TNFRSF19: variants seen among roughly 807,000 people sequenced by gnomAD.
The protein encoded by TNFRSF19 is tumor necrosis factor receptor superfamily member 19.
In TNFRSF19, 27 loss-of-function variants were observed where a neutral mutation model predicts 46.4. The observed-to-expected ratio is 0.58, with a 90% CI of 0.43 to 0.80. The LOEUF (loss-of-function observed/expected upper bound fraction) is 0.80, where lower values mean the gene tolerates loss of function less well. Ranked by LOEUF, TNFRSF19 falls within the 30% of genes least tolerant of loss-of-function variation. The pLI is 0.00. For synonymous variants in TNFRSF19, 204 were observed against 205.0 expected (o/e 1.00, Z 0.04); for missense variants, 511 against 530.8 (o/e 0.96, Z 0.37).
intron 7 of TNFRSF19, among the ~76,000 whole-genome samples, chr13:23,660,867 T>C (rs1304811098): frequency 6.6e-6 from 1 of 152,166 alleles, no homozygotes; most frequent in African/African-American, 2.4e-5. Context: ...AATATGTCTA[T>C]TATAAAAATA....
In TNFRSF19 at chr13:23,638,310, T is replaced by C. The variant is rs75774171; in HGVS notation, c.445+11518T>C. On this transcript the variant is annotated intron_variant, in intron 5 of 9. Coordinates refer to ENST00000248484, the MANE Select transcript of TNFRSF19 (RefSeq NM_148957.4). ...TTTTCAATGTTAATGATGGTATTTA[T>C]GGTAATTAACATACAAAACAGCTGT... is the stretch of plus-strand genomic sequence containing the variant. Among the ~76,000 whole-genome samples, 7 of 152,348 alleles carry C rather than the reference T, an allele frequency of 4.6e-5. No homozygotes were observed. In the East Asian group the frequency reaches 1.4e-3, roughly 29 times the overall value.
At chr13:23,604,262 C>T (rs1003138550) in intron 3 of TNFRSF19, among the ~76,000 whole-genome samples, 3 of 150,990 alleles carry the variant, frequency 2.0e-5, no homozygotes, top group Non-Finnish European at 3.0e-5. Flanking sequence ...TATTAGCACC[C>T]CCCCCAAAAT....
At chr13:23,637,255 A>T (rs1049620777) in intron 5 of TNFRSF19, among the ~76,000 whole-genome samples, 2 of 152,234 alleles carry the variant, frequency 1.3e-5, no homozygotes, top group Non-Finnish European at 2.9e-5. Context: ...TCCCAAGACT[A>T]ATGCAAACCC....
chr13:23,623,141 CCTTT>C (rs1230078247), intron 4 of TNFRSF19, among the ~76,000 whole-genome samples: 1 of 151,990 alleles, frequency 6.6e-6, no homozygotes, highest in Non-Finnish European at 1.5e-5. Context: ...GTGGAAACCA[CCTTT>C]CTTTCTGTTT....
At chr13:23,610,272 C>A (rs1376443076) in intron 3 of TNFRSF19, among the ~76,000 whole-genome samples, 1 of 152,168 alleles carries the variant, frequency 6.6e-6, no homozygotes, top group South Asian at 2.1e-4. Context: ...GTAGGTAGGA[C>A]CCGCTTATGT....
intron 1 of TNFRSF19, among the ~76,000 whole-genome samples, chr13:23,576,467 T>C (rs1190682024): frequency 2.0e-5 from 3 of 152,092 alleles, no homozygotes; most frequent in African/African-American, 7.2e-5. Flanking sequence ...TGGTGCTCAA[T>C]TGTGTGCCTG....
At chr13:23,597,618 C>CA in intron 3 of TNFRSF19, among the ~76,000 whole-genome samples, 1 of 151,940 alleles carries the variant, frequency 6.6e-6, no homozygotes, top group Non-Finnish European at 1.5e-5. Flanking sequence ...GCCTACCAAC[C>CA]AAAAAAAGCT....
At chr13:23,608,552 A>C (rs1880669766) in intron 3 of TNFRSF19, among the ~76,000 whole-genome samples, 1 of 152,186 alleles carries the variant, frequency 6.6e-6, no homozygotes, top group Non-Finnish European at 1.5e-5. Context: ...TGGGAGTAGC[A>C]ATCTCTTGCT....
intron 5 of TNFRSF19, among the ~76,000 whole-genome samples, chr13:23,633,098 C>T (rs1882453164): frequency 6.7e-6 from 1 of 148,184 alleles, no homozygotes; most frequent in South Asian, 2.1e-4. Flanking sequence ...GATCAAATTA[C>T]ACTTGTTGAC....
chr13:23,577,180 TG>T lies in TNFRSF19; in HGVS notation c.-35+6333del, dbSNP rs562619431. The stretch of plus-strand genomic sequence containing the variant: ...TGACAGGTTGGCATTGGGACCAGAT[TG>T]TCAGATGCCCAAGCCCATTCAGGCT... On this transcript the variant is annotated intron_variant, in intron 1 of 9. Transcript: ENST00000248484. Among the ~76,000 whole-genome samples the T allele has an allele frequency of 1.9e-3, 295 of 152,362 alleles. 2 individuals are homozygous for T. The highest frequency in any genetic ancestry group is 6.6e-3 in the African/African-American group (273 of 41,580).
At chr13:23,649,480 A>G (rs1883516445) in intron 5 of TNFRSF19, among the ~76,000 whole-genome samples, 1 of 151,310 alleles carries the variant, frequency 6.6e-6, no homozygotes, top group South Asian at 2.1e-4. Context: ...AGTTTTGTAG[A>G]TTTTACTGAT....
intron 4 of TNFRSF19, among the ~76,000 whole-genome samples, chr13:23,617,684 C>T (rs1881396934): frequency 1.3e-5 from 2 of 152,230 alleles, no homozygotes; most frequent in East Asian, 3.8e-4. Context: ...ATTGCAGGGG[C>T]AGCAAACATT....
chr13:23,619,600 T>C (rs1437224339), intron 4 of TNFRSF19, among the ~76,000 whole-genome samples: 1 of 152,190 alleles, frequency 6.6e-6, no homozygotes, highest in Non-Finnish European at 1.5e-5. Context: ...AGACCTGTGA[T>C]GATATCTATG....
At chr13:23,642,802 C>G (rs1355438706) in intron 5 of TNFRSF19, among the ~76,000 whole-genome samples, 1 of 152,186 alleles carries the variant, frequency 6.6e-6, no homozygotes, top group African/African-American at 2.4e-5. Flanking sequence ...ATACCTACTC[C>G]AGAGCTCCAG....
At chr13:23,578,771 C>G (rs1878145121) in intron 1 of TNFRSF19, among the ~76,000 whole-genome samples, 1 of 152,276 alleles carries the variant, frequency 6.6e-6, no homozygotes, top group South Asian at 2.1e-4. Flanking sequence ...CGGCCCTGGC[C>G]CCGCCTCGCA....
At chr13:23,578,411 T>C (rs1310557384) in intron 1 of TNFRSF19, among the ~76,000 whole-genome samples, 1 of 152,228 alleles carries the variant, frequency 6.6e-6, no homozygotes, top group Non-Finnish European at 1.5e-5. Context: ...AAGTACCTAG[T>C]ATAGTGCTAC....
intron 4 of TNFRSF19, among the ~76,000 whole-genome samples, chr13:23,624,306 G>A (rs1881852728): frequency 6.6e-6 from 1 of 151,590 alleles, no homozygotes; most frequent in Non-Finnish European, 1.5e-5. Context: ...TTTGAAATCA[G>A]GAAGTATGAG....
intron 3 of TNFRSF19, among the ~76,000 whole-genome samples, chr13:23,595,511 A>G (rs1879656596): frequency 6.6e-6 from 1 of 152,232 alleles, no homozygotes; most frequent in Non-Finnish European, 1.5e-5. Context: ...AGGATATCAG[A>G]GATTGAAAAT....
At chr13:23,603,255 G>A (rs549170012) in intron 3 of TNFRSF19, among the ~76,000 whole-genome samples, 274 of 152,074 alleles carry the variant, frequency 1.8e-3, no homozygotes, top group Non-Finnish European at 2.7e-3. Context: ...CTTGAAAGAC[G>A]CAGTCTGACA....
Sources: allele counts gnomAD v4.1 joint callset (sites outside exome capture counted in the v4.1 genomes callset), GRCh38; gene constraint gnomAD v4.1.1; transcripts MANE v1.5; gene names NCBI Gene and HGNC (gene_info 2026-07-23, HGNC 2026-07-21).